FOXP1: variants seen among roughly 807,000 people sequenced by gnomAD.
FOXP1 encodes the protein forkhead box protein P1.
In FOXP1, 15 loss-of-function variants were observed where a neutral mutation model predicts 98.2. That is an observed-to-expected ratio of 0.15 (90% CI 0.10 to 0.24). The LOEUF is 0.24. FOXP1 is among the 10% of genes least tolerant of loss of function. FOXP1 has a pLI of 1.00. For synonymous variants in FOXP1, 371 were observed against 314.5 expected (o/e 1.18, Z -1.90); for missense variants, 633 against 848.5 (o/e 0.75, Z 3.15).
At chr3:71,542,799 G>A (rs922732555) in intron 2 of FOXP1, among the ~76,000 whole-genome samples, 4 of 152,154 alleles carry the variant, frequency 2.6e-5, no homozygotes, top group Admixed American at 6.5e-5. Context: ...CATAAAACCC[G>A]GCCTGCCTGT....
chr3:71,420,068 C>T (rs2083516387), intron 3 of FOXP1, among the ~76,000 whole-genome samples: 1 of 151,984 alleles, frequency 6.6e-6, no homozygotes, highest in African/African-American at 2.4e-5. Context: ...CTTGGCCTCC[C>T]AAAGTGTTGG....
intron 3 of FOXP1, among the ~76,000 whole-genome samples, chr3:71,423,126 A>G (rs776985198): frequency 6.6e-6 from 1 of 152,190 alleles, no homozygotes; most frequent in Non-Finnish European, 1.5e-5. Context: ...GAACACCTCC[A>G]AGTCCCCAGA....
intron 2 of FOXP1, among the ~76,000 whole-genome samples, chr3:71,523,518 T>C (rs2043143018): frequency 6.6e-6 from 1 of 152,204 alleles, no homozygotes; most frequent in African/African-American, 2.4e-5. Context: ...CAATATATTG[T>C]TTTGAATAAT....
At chr3:71,465,550 CCT>C (rs1306830947) in intron 3 of FOXP1, among the ~76,000 whole-genome samples, 1 of 152,100 alleles carries the variant, frequency 6.6e-6, no homozygotes, top group Non-Finnish European at 1.5e-5. Flanking sequence ...CGTCCCACAG[CCT>C]CTGTTTTACA....
intron 3 of FOXP1, among the ~76,000 whole-genome samples, chr3:71,420,542 C>T (rs918271103): frequency 1.3e-5 from 2 of 152,138 alleles, no homozygotes; most frequent in African/African-American, 2.4e-5. Context: ...TAAACACATA[C>T]AGATACACGC....
chr3:71,361,062 T>TATAA (rs2078530033), intron 3 of FOXP1, among the ~76,000 whole-genome samples: 1 of 152,236 alleles, frequency 6.6e-6, no homozygotes, highest in African/African-American at 2.4e-5. Context: ...CATTCTTATA[T>TATAA]GAGTTTAATG....
chr3:71,009,792 A>C (rs1294192536), intron 12 of FOXP1, among the ~76,000 whole-genome samples: 1 of 152,068 alleles, frequency 6.6e-6, no homozygotes, highest in Non-Finnish European at 1.5e-5. Context: ...TTTGCTACCT[A>C]GGCTACAGTA....
intron 4 of FOXP1, among the ~76,000 whole-genome samples, chr3:71,346,128 G>A (rs958321852): frequency 1.3e-5 from 2 of 152,190 alleles, no homozygotes; most frequent in African/African-American, 4.8e-5. Context: ...GCATGCTTAT[G>A]TAAGAAAAAC....
chr3:71,041,958 A>C (rs2048405854), intron 10 of FOXP1, among the ~76,000 whole-genome samples: 1 of 152,244 alleles, frequency 6.6e-6, no homozygotes, highest in Non-Finnish European at 1.5e-5. Flanking sequence ...CTTAAGTCTT[A>C]AATGATGACA....
intron 6 of FOXP1, among the ~76,000 whole-genome samples, chr3:71,194,581 C>T (rs1302580731): frequency 1.7e-5 from 1 of 57,694 alleles, no homozygotes; most frequent in Non-Finnish European, 3.2e-5. Context: ...ATTTTAAAAT[C>T]CTTTCTTTAA....
intron 7 of FOXP1, among the ~76,000 whole-genome samples, chr3:71,069,443 T>A (rs1318307052): frequency 6.6e-6 from 1 of 152,182 alleles, no homozygotes; most frequent in East Asian, 1.9e-4. Context: ...CAGTAATAAA[T>A]TACCCTCTCT....
At chr3:71,417,025 T>C (rs1469703458) in intron 3 of FOXP1, among the ~76,000 whole-genome samples, 1 of 152,112 alleles carries the variant, frequency 6.6e-6, no homozygotes, top group Non-Finnish European at 1.5e-5. Flanking sequence ...AACCAGTCAG[T>C]CTCTGATAAA....
intron 2 of FOXP1, among the ~76,000 whole-genome samples, chr3:71,568,239 A>T (rs933768249): frequency 1.6e-4 from 24 of 152,200 alleles, no homozygotes; most frequent in African/African-American, 5.1e-4. Context: ...ATCTAGGAGA[A>T]GGTATGTGCT....
chr3:71,178,838 C>G (rs1027974477), intron 6 of FOXP1, among the ~76,000 whole-genome samples: 2 of 151,024 alleles, frequency 1.3e-5, no homozygotes, highest in African/African-American at 4.9e-5. Flanking sequence ...GAGCCAAGAT[C>G]GCACCACTGC....
intron 4 of FOXP1, among the ~76,000 whole-genome samples, chr3:71,300,245 T>G (rs1325262456): frequency 6.6e-6 from 1 of 152,242 alleles, no homozygotes; most frequent in African/African-American, 2.4e-5. Context: ...TTGGTTAATA[T>G]CCACAACATC....
intron 20 of FOXP1, among the ~76,000 whole-genome samples, chr3:70,960,145 G>A (rs569558372): frequency 6.6e-6 from 1 of 152,214 alleles, no homozygotes; most frequent in South Asian, 2.1e-4. Context: ...ACAGCAAAGA[G>A]ACACCATGAT....
intron 3 of FOXP1, among the ~76,000 whole-genome samples, chr3:71,440,721 C>T (rs939299612): frequency 2.6e-5 from 4 of 151,398 alleles, no homozygotes; most frequent in Non-Finnish European, 5.9e-5. Flanking sequence ...AATAGTTATC[C>T]AGGCATGCTG....
intron 20 of FOXP1, among the ~76,000 whole-genome samples, chr3:70,960,580 C>A (rs1298385519): frequency 6.6e-6 from 1 of 152,214 alleles, no homozygotes; most frequent in Non-Finnish European, 1.5e-5. Context: ...ATGGTCCCAT[C>A]TCTGGGACAG....
At chr3:71,377,318 G>A (rs2079794526) in intron 3 of FOXP1, among the ~76,000 whole-genome samples, 2 of 152,108 alleles carry the variant, frequency 1.3e-5, no homozygotes, top group Non-Finnish European at 2.9e-5. Context: ...TCCAGCTTAG[G>A]CATTCAGCAA....
Sources: allele counts gnomAD v4.1 joint callset (sites outside exome capture counted in the v4.1 genomes callset), GRCh38; gene constraint gnomAD v4.1.1; transcripts MANE v1.5; gene names NCBI Gene and HGNC (gene_info 2026-07-23, HGNC 2026-07-21).